Variants in THSD1 observed in about 807,000 individuals in gnomAD.
The protein encoded by THSD1 is thrombospondin type-1 domain-containing protein 1.
A neutral mutation model predicts 46.3 loss-of-function variants in THSD1; 34 were observed. That is an observed-to-expected ratio of 0.74 (90% CI 0.56 to 0.98). The LOEUF (loss-of-function observed/expected upper bound fraction) is 0.98, where lower values mean the gene tolerates loss of function less well. THSD1 is among the 50% of genes least tolerant of loss of function. The pLI is 0.00. For synonymous variants in THSD1, 407 were observed against 416.5 expected, an observed-to-expected ratio of 0.98 and a Z score of 0.28; for missense variants, 1,023 against 1,058.3, an observed-to-expected ratio of 0.97 and a Z score of 0.46.
intron 2 of THSD1, chr13:52,400,143 TG>T: frequency 6.4e-6 from 1 of 156,230 alleles, no homozygotes; most frequent in Non-Finnish European, 1.4e-5. Flanking sequence ...GGATTGTCAG[TG>T]AAGCAGATCA....
intron 3 of THSD1, among the ~76,000 whole-genome samples, chr13:52,386,396 C>A (rs1423947457): frequency 6.6e-6 from 1 of 152,010 alleles, no homozygotes; most frequent in African/African-American, 2.4e-5. Context: ...CTTTCCAGAA[C>A]CCAAAAAAGA....
chr13:52,390,324 C>T (rs1418894447), intron 3 of THSD1, among the ~76,000 whole-genome samples: 3 of 151,842 alleles, frequency 2.0e-5, no homozygotes, highest in Non-Finnish European at 4.4e-5. Context: ...AAACATAAAA[C>T]GTGTAGGGCA....
At position 52,398,009 on chromosome 13, in the gene THSD1, A is replaced by T. The variant is rs779159280; in HGVS notation, c.244T>A (p.Ser82Thr). 1.9e-6 allele frequency: 3 copies of T among 1,614,186 alleles called. No homozygotes were observed. The East Asian group carries it at 6.7e-5, about 36-fold the overall frequency. Reference protein sequence around the residue: ...VTTKYLLTNQSQGTLKFECFY... With the variant: ...VTTKYLLTNQTQGTLKFECFY... The stretch of plus-strand genomic sequence containing the variant: ...CACTCAAACTTTAGTGTTCCCTGGG[A>T]CTGGTTGGTCAGGAGGTACTTGGTA... The change falls in exon 3 of 5, where the codon TCC becomes ACC. Residue 82 changes from serine (S) to threonine (T), a missense_variant. Physicochemically the swap from Ser to Thr is moderately conservative, Grantham distance 58 (BLOSUM62 1). Transcript: ENST00000258613.
chr13:52,390,562 C>T (rs956833756), intron 3 of THSD1, among the ~76,000 whole-genome samples: 2 of 152,144 alleles, frequency 1.3e-5, no homozygotes, highest in Admixed American at 6.6e-5. Context: ...TACAGCATAA[C>T]AATGAGCTGG....
intron 3 of THSD1, 57 bp downstream of exon 3, chr13:52,397,175 T>C: frequency 3.5e-6 from 5 of 1,425,852 alleles, no homozygotes; most frequent in Non-Finnish European, 4.7e-6. Flanking sequence ...AAATTCTAAA[T>C]AATTTTGATT....
intron 4 of THSD1, among the ~76,000 whole-genome samples, chr13:52,379,325 C>T (rs1957673155): frequency 6.6e-6 from 1 of 152,090 alleles, no homozygotes; most frequent in East Asian, 1.9e-4. Flanking sequence ...AACAAGATCA[C>T]CAAAGGGGAA....
Position 52,382,138 on chromosome 13 carries a change from C to T in THSD1, c.1181-3349G>A, listed in dbSNP as rs143006067. On this transcript the variant is annotated intron_variant, in intron 4 of 4. Coordinates refer to ENST00000258613, the MANE Select transcript of THSD1 (RefSeq NM_018676.4). ...TTCCTGGCTCCACTAGCTCTACTAT[C>T]TCCATTGGCTGTCCCACGACCTCCA... Among the ~76,000 whole-genome samples, 497 of 152,330 alleles carry T rather than the reference C, an allele frequency of 3.3e-3. 3 individuals carry two copies. The highest frequency in any genetic ancestry group is 0.011 in the African/African-American group (448 of 41,580).
intron 4 of THSD1, among the ~76,000 whole-genome samples, chr13:52,383,467 A>T (rs1396163326): frequency 6.6e-6 from 1 of 152,238 alleles, no homozygotes; most frequent in Non-Finnish European, 1.5e-5. Context: ...CAGTTGAATG[A>T]TGAAAGGCTT....
Position 52,378,805 on chromosome 13 carries a change from AAAC to A in THSD1, c.1181-19_1181-17del. 1 of 1,546,990 alleles carries A rather than the reference AAAC, an allele frequency of 6.5e-7. No individual in the cohort carries two copies. Among genetic ancestry groups the A allele is most frequent in the Non-Finnish European group, 8.7e-7 (1 of 1,155,402 alleles). On this transcript the variant is annotated splice_polypyrimidine_tract_variant and intron_variant, in intron 4 of 4. Transcript: ENST00000258613. ...GGCTGGAAAGCTGCAAAAAAAAACA[AAAC>A]AAAACAAACAAACAAAAAACACAGA...
At chr13:52,381,090 T>C (rs1555333357) in intron 4 of THSD1, among the ~76,000 whole-genome samples, 1 of 152,184 alleles carries the variant, frequency 6.6e-6, no homozygotes, top group Non-Finnish European at 1.5e-5. Context: ...TCACTCACTA[T>C]TACTACATTA....
In THSD1 at chr13:52,378,392, A is replaced by C; in HGVS notation, c.1578T>G (p.Pro526=). The C allele has an allele frequency of 6.2e-7, 1 of 1,613,854 alleles. No homozygotes were observed. Among genetic ancestry groups the C allele is most frequent in the Non-Finnish European group, 8.5e-7 (1 of 1,180,008 alleles). Residue 526 remains proline, a synonymous_variant, in exon 5 of 5, where the codon CCT becomes CCG. Transcript: ENST00000258613. ...FQSNAQKIIP[P]LFSYRLAQQQ... is the part of the protein sequence containing the mutation. ...GCTGGGCAAGGCGGTAGCTGAACAGAGGTGGGATTATCTTCTGGGCGTTGG... is the reference window on the plus strand; with the variant it reads ...GCTGGGCAAGGCGGTAGCTGAACAGCGGTGGGATTATCTTCTGGGCGTTGG...
chr13:52,380,698 T>A (rs1957685155), intron 4 of THSD1, among the ~76,000 whole-genome samples: 1 of 152,074 alleles, frequency 6.6e-6, no homozygotes. Flanking sequence ...TCTGCCTAAC[T>A]TGGCCTCCCA....
At chr13:52,380,084 T>A (rs997939566) in intron 4 of THSD1, among the ~76,000 whole-genome samples, 1 of 152,134 alleles carries the variant, frequency 6.6e-6, no homozygotes, top group Non-Finnish European at 1.5e-5. Flanking sequence ...CCTTCCATTG[T>A]GAGGGGTACT....
chr13:52,382,180 A>T (rs908927639), intron 4 of THSD1, among the ~76,000 whole-genome samples: 4 of 152,004 alleles, frequency 2.6e-5, no homozygotes, highest in African/African-American at 9.7e-5. Context: ...AATGCCCAAG[A>T]CTCACCATCT....
Position 52,397,748 on chromosome 13 carries a change from C to G in THSD1, c.505G>C (p.Val169Leu). The G allele has an allele frequency of 1.2e-6, 2 of 1,614,204 alleles. No homozygotes were observed. The highest frequency in any genetic ancestry group is 1.7e-6 in the Non-Finnish European group (2 of 1,180,038). ...PVDKPNIVVDVIFTNSLPEAR... is the reference protein window; with the variant it reads ...PVDKPNIVVDLIFTNSLPEAR... ...TCAGGAAGACTGTTGGTGAAGATGACATCCACTACGATGTTGGGCTTGTCC... is the reference window on the plus strand; with the variant it reads ...TCAGGAAGACTGTTGGTGAAGATGAGATCCACTACGATGTTGGGCTTGTCC... Residue 169 changes from valine (V) to leucine (L), a missense_variant, in exon 3 of 5, where the codon GTC becomes CTC. Val to Leu is a conservative substitution (Grantham distance 32). Coordinates refer to ENST00000258613, the MANE Select transcript of THSD1 (RefSeq NM_018676.4).
intron 3 of THSD1, among the ~76,000 whole-genome samples, chr13:52,390,263 C>T (rs1228110197): frequency 1.3e-5 from 2 of 152,210 alleles, no homozygotes; most frequent in African/African-American, 2.4e-5. Context: ...CTCTCTTCAT[C>T]CTTTATGGAC....
At chr13:52,386,595 C>T (rs1957732577) in intron 3 of THSD1, among the ~76,000 whole-genome samples, 1 of 152,126 alleles carries the variant, frequency 6.6e-6, no homozygotes, top group Non-Finnish European at 1.5e-5. Flanking sequence ...TATAGAACCC[C>T]TACGACTCAC....
chr13:52,377,853 G>A lies in THSD1; in HGVS notation c.2117C>T (p.Pro706Leu). ...CTCTTGGAAATGCTCCAGTTTTTCAGGAAACAGGTGGGCACCTCGACTCTG... is the reference window on the plus strand; with the variant it reads ...CTCTTGGAAATGCTCCAGTTTTTCAAGAAACAGGTGGGCACCTCGACTCTG... ...RPQSRGAHLF[P>L]EKLEHFQEAS... The change falls in exon 5 of 5, where the codon CCT becomes CTT. Residue 706 changes from proline (P) to leucine (L), a missense_variant. This residue lies in a region of THSD1 where 578 missense variants were observed against 497.4 expected (regional missense o/e 1.16). Transcript: ENST00000258613. 1 of 1,614,198 alleles carries A rather than the reference G, an allele frequency of 6.2e-7. No homozygotes were observed. Among genetic ancestry groups the A allele is most frequent in the Non-Finnish European group, 8.5e-7 (1 of 1,180,042 alleles).
At chr13:52,394,464 T>C (rs1266353613) in intron 3 of THSD1, among the ~76,000 whole-genome samples, 1 of 151,792 alleles carries the variant, frequency 6.6e-6, no homozygotes. Flanking sequence ...AAATACAAAA[T>C]TTAGCCAGGC....
Sources: gnomAD v4.1 joint callset for allele counts (sites outside exome capture counted in the v4.1 genomes callset) on GRCh38, gnomAD v4.1.1 for gene constraint, gnomAD v4.1.1 regional missense constraint, MANE v1.5 for transcripts, NCBI Gene and HGNC (gene_info 2026-07-23, HGNC 2026-07-21) for gene names.